Variants in ERG observed in about 807,000 individuals in gnomAD.
ERG encodes transcriptional regulator ERG.
ERG carries 9 observed loss-of-function variants against 55.3 expected under a neutral mutation model. The ratio of observed to expected loss-of-function variants is 0.16; its 90% confidence interval spans 0.10 to 0.28. The LOEUF is 0.28. ERG is among the 10% of genes least tolerant of loss of function. The probability of loss-of-function intolerance (pLI) is 1.00; values close to 1 mark genes in which losing one functional copy is unlikely to be tolerated. For synonymous variants in ERG, 223 were observed against 237.3 expected, an observed-to-expected ratio of 0.94 and a Z score of 0.55; for missense variants, 434 against 631.6, an observed-to-expected ratio of 0.69 and a Z score of 3.35.
At chr21:38,497,938 T>A (rs1391659324) in intron 1 of ERG, among the ~76,000 whole-genome samples, 1 of 152,180 alleles carries the variant, frequency 6.6e-6, no homozygotes, top group Admixed American at 6.5e-5. Flanking sequence ...TCCCTGATGC[T>A]AAGGAGCCAC....
At chr21:38,488,141 A>C (rs2059303798) in intron 1 of ERG, among the ~76,000 whole-genome samples, 1 of 152,146 alleles carries the variant, frequency 6.6e-6, no homozygotes, top group Non-Finnish European at 1.5e-5. Context: ...CTGGGGTGAG[A>C]GAAGTGATTG....
intron 2 of ERG, among the ~76,000 whole-genome samples, chr21:38,504,865 A>G (rs1047478255): frequency 1.3e-5 from 2 of 152,240 alleles, no homozygotes; most frequent in African/African-American, 4.8e-5. Flanking sequence ...AATCTCACCT[A>G]TAAGATACTA....
At chr21:38,459,538 A>G (rs1180166658) in intron 1 of ERG, among the ~76,000 whole-genome samples, 2 of 152,174 alleles carry the variant, frequency 1.3e-5, no homozygotes, top group Non-Finnish European at 2.9e-5. Context: ...TGACAACCTG[A>G]AGTTAACATT....
chr21:38,381,829 T>A lies in ERG; in HGVS notation c.*1574A>T. On this transcript the variant is annotated 3_prime_UTR_variant, in exon 10 of 10. Coordinates refer to ENST00000288319, the MANE Select transcript of ERG (RefSeq NM_182918.4). ...CTTCTGTTCCAAAAGGGGCTAGAAA[T>A]AAAAGACAGGAGGGGAGGCAAGAAG... 9.4e-7 allele frequency: 1 copy of A among 1,063,508 alleles called. No homozygotes were observed. The highest frequency in any genetic ancestry group is 4.6e-5 in the South Asian group (1 of 21,952). The allele number at this position is 1,063,508 out of a possible 1,614,324, so 65.9% of individuals were successfully genotyped here. A position where few individuals can be genotyped will look rare whatever the true frequency, so the allele number is the denominator to read the frequency against.
chr21:38,502,185 T>C (rs1277094271), upstream of ERG, among the ~76,000 whole-genome samples: 1 of 152,172 alleles, frequency 6.6e-6, no homozygotes. Flanking sequence ...GCCCTATACA[T>C]CCCTACAATG....
chr21:38,558,123 G>A (rs2059869595), intron 2 of ERG, among the ~76,000 whole-genome samples: 1 of 151,980 alleles, frequency 6.6e-6, no homozygotes, highest in African/African-American at 2.4e-5. Context: ...GACTATTAAG[G>A]CAGAATCTGC....
chr21:38,603,970 C>A (rs533976689), intron 1 of ERG, among the ~76,000 whole-genome samples: 42 of 152,028 alleles, frequency 2.8e-4, no homozygotes, highest in African/African-American at 9.9e-4. Context: ...TAGTTTTGGC[C>A]GGGCGCGGTG....
At chr21:38,392,558 G>A in intron 6 of ERG, 114 bp from the exon 7 acceptor site, 1 of 708,406 alleles carries the variant, frequency 1.4e-6, no homozygotes, top group Non-Finnish European at 2.1e-6. Context: ...AAAAAAATCT[G>A]GTAATCCAAA....
At chr21:38,651,615 G>A (rs1472644769) in intron 1 of ERG, among the ~76,000 whole-genome samples, 1 of 152,140 alleles carries the variant, frequency 6.6e-6, no homozygotes, top group Non-Finnish European at 1.5e-5. Flanking sequence ...AATTCCACCT[G>A]TCCCTGTCTT....
intron 1 of ERG, among the ~76,000 whole-genome samples, chr21:38,578,938 C>T (rs1484303762): frequency 6.6e-6 from 1 of 152,186 alleles, no homozygotes; most frequent in Non-Finnish European, 1.5e-5. Flanking sequence ...GAGACTCAAA[C>T]AGGGCATTTC....
At chr21:38,424,200 CTCTCTCTCTCTCTCTCTCTCTCT>C (rs1989708751) in intron 2 of ERG, among the ~76,000 whole-genome samples, 1 of 145,896 alleles carries the variant, frequency 6.9e-6, no homozygotes. Flanking sequence ...CTCTCTCTCT[CTCTCTCTCTCTCTCTCTCTCTCT>C]CTGCCATGTA....
At chr21:38,605,636 C>T (rs914329354) in intron 1 of ERG, among the ~76,000 whole-genome samples, 15 of 152,302 alleles carry the variant, frequency 9.8e-5, no homozygotes, top group Admixed American at 3.9e-4. Flanking sequence ...CTAAGCACTG[C>T]GGGTGGGGTT....
At chr21:38,627,554 C>G (rs1456171430) in intron 1 of ERG, among the ~76,000 whole-genome samples, 1 of 151,918 alleles carries the variant, frequency 6.6e-6, no homozygotes, top group Non-Finnish European at 1.5e-5. Context: ...TATATAAAAA[C>G]TAATGCATTA....
chr21:38,579,874 G>A (rs1657327369), intron 1 of ERG, among the ~76,000 whole-genome samples: 1 of 151,102 alleles, frequency 6.6e-6, no homozygotes, highest in African/African-American at 2.4e-5. Context: ...AGGCTGGAGT[G>A]CAGTGGTACG....
At chr21:38,614,500 C>T (rs1431539507) in intron 1 of ERG, among the ~76,000 whole-genome samples, 3 of 152,130 alleles carry the variant, frequency 2.0e-5, no homozygotes, top group East Asian at 1.9e-4. Context: ...CTTGGGACCA[C>T]GCAGATGAAA....
chr21:38,568,751 C>T (rs1214450720), intron 2 of ERG, among the ~76,000 whole-genome samples: 1 of 152,168 alleles, frequency 6.6e-6, no homozygotes, highest in East Asian at 1.9e-4. Flanking sequence ...CCTTCATGAG[C>T]TGGAGGACAG....
chr21:38,625,666 A>T (rs1194901956), intron 1 of ERG, among the ~76,000 whole-genome samples: 1 of 152,190 alleles, frequency 6.6e-6, no homozygotes, highest in East Asian at 1.9e-4. Context: ...GGAAGTCCCA[A>T]GCCAGCCTGA....
chr21:38,421,988 G>C (rs568583004), intron 3 of ERG, among the ~76,000 whole-genome samples: 78 of 152,332 alleles, frequency 5.1e-4, no homozygotes, highest in African/African-American at 1.8e-3. Context: ...AAAGTGCTGG[G>C]ATTACAGGTG....
At chr21:38,368,320 T>C in the ERG span, among the ~76,000 whole-genome samples, 119 of 152,318 alleles carry the variant, frequency 7.8e-4, no homozygotes, top group Admixed American at 2.3e-3. Context: ...TTTCAAAATG[T>C]AAATAAATGG....
Sources: allele counts gnomAD v4.1 joint callset (sites outside exome capture counted in the v4.1 genomes callset), GRCh38; gene constraint gnomAD v4.1.1; transcripts MANE v1.5; gene names NCBI Gene and HGNC (gene_info 2026-07-23, HGNC 2026-07-21).